Variants in DOK6 observed in about 807,000 individuals in gnomAD.
DOK6 encodes the protein docking protein 6.
A neutral mutation model predicts 44.0 loss-of-function variants in DOK6; 22 were observed. The ratio of observed to expected loss-of-function variants is 0.50; its 90% CI spans 0.36 to 0.71. The LOEUF (loss-of-function observed/expected upper bound fraction) is 0.71. Among genes scored for constraint, DOK6 ranks in the 30% least tolerant of loss-of-function variants. DOK6 has a pLI of 0.00. For missense variants in DOK6, 340 were observed against 416.4 expected (o/e 0.82, Z 1.60); for synonymous variants, 166 against 145.5 (o/e 1.14, Z -1.01).
rs1254318362 is a variant in DOK6, at chr18:69,677,852, T to C, written c.408T>C (p.Asn136=). The change falls in exon 4 of 8, where the codon AAT becomes AAC. Residue 136 remains asparagine (N), a splice_region_variant and synonymous_variant. Coordinates refer to ENST00000382713, the MANE Select transcript of DOK6 (RefSeq NM_152721.6). ...CCGCAGGAGTGCAGCGGGAACAGAA[T>C]GGTAGGTGTGAGATTGCCTTCCATC... ...LLAAGVQREQ[N]ERFNVYLMPT... The C allele has an allele frequency of 6.2e-7, 1 of 1,612,842 alleles. No individual in the cohort carries two copies. The highest frequency in any genetic ancestry group is 1.3e-5 in the African/African-American group (1 of 74,864).
rs897429780 is a variant in DOK6, at chr18:69,487,876, CTCTT to C, written c.67-76607_67-76604del. On this transcript the variant is annotated intron_variant, in intron 1 of 7. Coordinates refer to ENST00000382713, the MANE Select transcript of DOK6 (RefSeq NM_152721.6). ...TACTCCCCAAATGCTTTCACAAAAA[CTCTT>C]TCTGGTGTAGGCACAGTCTAGGTTC... Among the ~76,000 whole-genome samples the C allele has an allele frequency of 9.5e-4, 145 of 152,302 alleles. 2 individuals carry two copies. The highest frequency in any genetic ancestry group is 3.2e-3 in the African/African-American group (133 of 41,558).
At chr18:69,417,668 T>C (rs2122400922) in intron 1 of DOK6, among the ~76,000 whole-genome samples, 1 of 152,044 alleles carries the variant, frequency 6.6e-6, no homozygotes, top group South Asian at 2.1e-4. Flanking sequence ...TAATTTTTAT[T>C]TCCATCAACA....
At chr18:69,746,178 GAC>G (rs1228928505) in intron 6 of DOK6, among the ~76,000 whole-genome samples, 2 of 152,186 alleles carry the variant, frequency 1.3e-5, no homozygotes, top group Non-Finnish European at 2.9e-5. Context: ...GAAAGTGAAT[GAC>G]AGTTTCTGCT....
intron 1 of DOK6, among the ~76,000 whole-genome samples, chr18:69,529,147 A>C (rs961977658): frequency 6.6e-6 from 1 of 152,188 alleles, no homozygotes; most frequent in Admixed American, 6.5e-5. Flanking sequence ...TTATTTAGTT[A>C]ATTAGGTAAT....
intron 5 of DOK6, among the ~76,000 whole-genome samples, chr18:69,735,869 G>A (rs888928153): frequency 9.2e-5 from 14 of 152,216 alleles, no homozygotes; most frequent in African/African-American, 2.7e-4. Context: ...AATGGAGAAT[G>A]TGCAGGGTTT....
chr18:69,542,004 T>G (rs1466743900), intron 1 of DOK6, among the ~76,000 whole-genome samples: 1 of 151,436 alleles, frequency 6.6e-6, no homozygotes, highest in Non-Finnish European at 1.5e-5. Context: ...GAGCTTAGTT[T>G]GAGTAAAAAG....
At chr18:69,796,741 C>T (rs189610153) in intron 7 of DOK6, among the ~76,000 whole-genome samples, 1 of 152,232 alleles carries the variant, frequency 6.6e-6, no homozygotes, top group East Asian at 1.9e-4. Context: ...AAAAGAGGCA[C>T]AGTCAATCTC....
At chr18:69,493,460 C>A (rs1397080920) in intron 1 of DOK6, among the ~76,000 whole-genome samples, 4 of 152,174 alleles carry the variant, frequency 2.6e-5, no homozygotes, top group African/African-American at 9.7e-5. Context: ...TCAGCCTCAA[C>A]CAGATCTGCT....
chr18:69,771,838 T>A (rs1382837608), intron 7 of DOK6, among the ~76,000 whole-genome samples: 1 of 151,884 alleles, frequency 6.6e-6, no homozygotes, highest in Non-Finnish European at 1.5e-5. Context: ...CCAAAAAAAT[T>A]AAGTGAAGAA....
chr18:69,491,319 T>C (rs933312256), intron 1 of DOK6, among the ~76,000 whole-genome samples: 3 of 152,214 alleles, frequency 2.0e-5, no homozygotes, highest in Non-Finnish European at 2.9e-5. Context: ...TTTTGCACTT[T>C]TCCATCTCGA....
chr18:69,648,196 A>G (rs1985133937), intron 3 of DOK6, among the ~76,000 whole-genome samples: 3 of 152,214 alleles, frequency 2.0e-5, no homozygotes, highest in Admixed American at 2.0e-4. Context: ...AGCTCCCTAT[A>G]GTTATTTACT....
intron 1 of DOK6, among the ~76,000 whole-genome samples, chr18:69,557,468 C>T (rs1028973257): frequency 5.9e-5 from 9 of 152,200 alleles, no homozygotes; most frequent in African/African-American, 1.9e-4. Context: ...TGTAAAATCA[C>T]CTTGAAAAGG....
At chr18:69,798,345 T>C (rs1327660791) in intron 7 of DOK6, among the ~76,000 whole-genome samples, 4 of 152,096 alleles carry the variant, frequency 2.6e-5, no homozygotes, top group African/African-American at 7.2e-5. Flanking sequence ...CAAAGTTCCA[T>C]GACTTATTGT....
At chr18:69,601,624 C>T (rs1379806962) in intron 3 of DOK6, among the ~76,000 whole-genome samples, 1 of 152,162 alleles carries the variant, frequency 6.6e-6, no homozygotes, top group Non-Finnish European at 1.5e-5. Flanking sequence ...AGGTTCTGTG[C>T]AAACAAAACA....
intron 7 of DOK6, among the ~76,000 whole-genome samples, chr18:69,795,134 T>A (rs966572430): frequency 6.6e-6 from 1 of 152,004 alleles, no homozygotes; most frequent in Non-Finnish European, 1.5e-5. Context: ...TGCTAAAAGG[T>A]TGTGGGCGTC....
At chr18:69,664,570 C>T (rs372654157) in intron 3 of DOK6, among the ~76,000 whole-genome samples, 19 of 152,096 alleles carry the variant, frequency 1.2e-4, no homozygotes, top group African/African-American at 4.1e-4. Context: ...AAACCACTAG[C>T]GGCCCTCTTC....
At chr18:69,811,724 C>G (rs995817968) in intron 7 of DOK6, among the ~76,000 whole-genome samples, 2 of 151,750 alleles carry the variant, frequency 1.3e-5, no homozygotes, top group Non-Finnish European at 2.9e-5. Context: ...TTTGCAAACC[C>G]TTTGGGTGAT....
At chr18:69,606,420 C>T (rs1983998023) in intron 3 of DOK6, among the ~76,000 whole-genome samples, 1 of 151,912 alleles carries the variant, frequency 6.6e-6, no homozygotes, top group African/African-American at 2.4e-5. Context: ...ATAATGGCCA[C>T]TTATGAAAAG....
chr18:69,723,813 A>C (rs1481222738), intron 5 of DOK6, among the ~76,000 whole-genome samples: 1 of 152,174 alleles, frequency 6.6e-6, no homozygotes, highest in East Asian at 1.9e-4. Flanking sequence ...GCAGCCACAG[A>C]CTTGGAGGTC....
Sources: gnomAD v4.1 joint callset for allele counts (sites outside exome capture counted in the v4.1 genomes callset) on GRCh38, gnomAD v4.1.1 for gene constraint, MANE v1.5 for transcripts, NCBI Gene and HGNC (gene_info 2026-07-23, HGNC 2026-07-21) for gene names.